The following PARM1 variants were observed in gnomAD, a reference collection of about 807,000 sequenced individuals.
The protein encoded by PARM1 is prostate androgen-regulated mucin-like protein 1.
Under a neutral mutation model 24.6 loss-of-function variants are expected in PARM1, and 14 were observed. That is an observed-to-expected ratio of 0.57 (90% CI 0.38 to 0.89). The LOEUF (loss-of-function observed/expected upper bound fraction) is 0.89, where lower values mean the gene tolerates loss of function less well. Among genes scored for constraint, PARM1 ranks in the 40% least tolerant of loss-of-function variants. The pLI, the probability that PARM1 is intolerant of heterozygous loss-of-function variation, is 0.00. For synonymous variants in PARM1, 179 were observed against 156.6 expected (o/e 1.14, Z -1.07); for missense variants, 362 against 380.4 (o/e 0.95, Z 0.40).
chr4:74,947,707 T>C (rs1476736527), intron 1 of PARM1, among the ~76,000 whole-genome samples: 2 of 152,210 alleles, frequency 1.3e-5, no homozygotes, highest in African/African-American at 4.8e-5. Context: ...AGTGGGAATA[T>C]TATAGGAAAA....
chr4:74,955,234 A>G (rs1721607542), intron 1 of PARM1, among the ~76,000 whole-genome samples: 1 of 142,036 alleles, frequency 7.0e-6, no homozygotes, highest in Non-Finnish European at 1.5e-5. Flanking sequence ...TGAAAAATGA[A>G]AAAAAAAAAA....
chr4:75,004,871 A>T (rs1456290181), intron 1 of PARM1, among the ~76,000 whole-genome samples: 1 of 152,220 alleles, frequency 6.6e-6, no homozygotes. Context: ...AATACTATAG[A>T]ATCATTAAAA....
chr4:75,031,687 C>T (rs1723280378), intron 2 of PARM1, among the ~76,000 whole-genome samples: 1 of 152,100 alleles, frequency 6.6e-6, no homozygotes, highest in African/African-American at 2.4e-5. Context: ...CTGTGATTTC[C>T]TATATTAAAC....
rs915332287 is a variant in PARM1, at chr4:75,012,654, C to T, written c.273C>T (p.Thr91=). The T allele has an allele frequency of 6.8e-6, 11 of 1,613,856 alleles. No homozygotes were observed. In the African/African-American group the frequency reaches 9.3e-5, roughly 14 times the overall value. Residue 91 remains threonine, a synonymous_variant, in exon 2 of 4, where the codon ACC becomes ACT. Transcript: ENST00000307428. ...TAGAGTCCAGAGAAGAGGAGATCACCAGCCCAGGTTCGAATTGGGAAGGCA... is the reference window on the plus strand; with the variant it reads ...TAGAGTCCAGAGAAGAGGAGATCACTAGCCCAGGTTCGAATTGGGAAGGCA... ...ISIESREEEI[T]SPGSNWEGTN... is the part of the protein sequence containing the mutation.
At chr4:75,041,233 A>G (rs961601510) in intron 3 of PARM1, among the ~76,000 whole-genome samples, 2 of 152,236 alleles carry the variant, frequency 1.3e-5, no homozygotes, top group African/African-American at 4.8e-5. Context: ...ATCAGAAAAA[A>G]AGAGGAAACG....
At chr4:74,956,459 G>A (rs188819785) in intron 1 of PARM1, 6 of 152,270 alleles carry the variant, frequency 3.9e-5, no homozygotes, top group African/African-American at 1.4e-4. Flanking sequence ...TTTTCTGAAA[G>A]TTCAGAATCT....
chr4:74,979,234 AAAG>A (rs1296272046), intron 1 of PARM1, among the ~76,000 whole-genome samples: 3 of 152,112 alleles, frequency 2.0e-5, no homozygotes, highest in Non-Finnish European at 4.4e-5. Flanking sequence ...CTAGACTAAT[AAAG>A]AAGAACAAGA....
intron 2 of PARM1, among the ~76,000 whole-genome samples, chr4:75,031,487 C>T (rs371150280): frequency 2.6e-5 from 4 of 151,526 alleles, no homozygotes; most frequent in African/African-American, 9.7e-5. Context: ...AGAGAGCCAC[C>T]CATCATATGG....
At chr4:75,021,721 T>C (rs572093814) in intron 2 of PARM1, among the ~76,000 whole-genome samples, 2 of 152,352 alleles carry the variant, frequency 1.3e-5, no homozygotes, top group East Asian at 3.9e-4. Flanking sequence ...TTTGGTTTTC[T>C]GTTCCTGCAT....
At chr4:74,979,190 C>CT (rs958439157) in intron 1 of PARM1, among the ~76,000 whole-genome samples, 11 of 150,774 alleles carry the variant, frequency 7.3e-5, no homozygotes, top group Admixed American at 1.3e-4. Context: ...AGGAGCTGTT[C>CT]TTTTTTAAAA....
intron 1 of PARM1, among the ~76,000 whole-genome samples, chr4:74,942,779 C>T (rs192359694): frequency 5.6e-4 from 86 of 152,334 alleles, no homozygotes; most frequent in African/African-American, 2.0e-3. Flanking sequence ...CACCCCTCCC[C>T]TCTTAGGTCT....
intron 1 of PARM1, among the ~76,000 whole-genome samples, chr4:74,991,898 C>G (rs375987757): frequency 2.0e-5 from 3 of 152,270 alleles, no homozygotes; most frequent in East Asian, 1.9e-4. Flanking sequence ...ATCCCAGGAA[C>G]TAAGTTGCTA....
chr4:75,009,755 C>T (rs1244419349), intron 1 of PARM1, among the ~76,000 whole-genome samples: 1 of 152,106 alleles, frequency 6.6e-6, no homozygotes, highest in African/African-American at 2.4e-5. Context: ...TCCCGCAAGT[C>T]CTTATTAAGC....
chr4:75,013,054 G>A lies in PARM1; in HGVS notation c.673G>A (p.Val225Met), dbSNP rs1299343349. The change falls in exon 2 of 4, where the codon GTG becomes ATG. Residue 225 changes from valine to methionine, a missense_variant. By Grantham distance (21) the Val-to-Met change is conservative. Transcript: ENST00000307428. ...CCAGGAGAAAACACCCCCAACAACT[G>A]TGTCAGGCAAAGTGATGTGTGAGCT... ...VPQEKTPPTT[V>M]SGKVMCELID... 6.2e-7 allele frequency: 1 copy of A among 1,613,976 alleles called. No individual in the cohort carries two copies. Among genetic ancestry groups the A allele is most frequent in the Admixed American group, 1.7e-5 (1 of 60,010 alleles).
intron 1 of PARM1, among the ~76,000 whole-genome samples, chr4:74,957,705 G>C (rs1015072957): frequency 1.3e-5 from 2 of 152,158 alleles, no homozygotes; most frequent in Non-Finnish European, 2.9e-5. Flanking sequence ...AGAGCTGCAG[G>C]CAGGGAATTG....
chr4:74,940,138 C>T lies in PARM1; in HGVS notation c.43+6768C>T, dbSNP rs867649352. On this transcript the variant is annotated intron_variant, in intron 1 of 3. Coordinates refer to ENST00000307428, the MANE Select transcript of PARM1 (RefSeq NM_015393.4). ...TTAGAACACCTTATATTTCCTAATA[C>T]GAAGTTAACAAAATACATGTTACCT... Among the ~76,000 whole-genome samples the T allele has an allele frequency of 6.6e-5, 10 of 152,048 alleles. 1 individual carries two copies. Among genetic ancestry groups the T allele is most frequent in the South Asian group, 2.1e-4 (1 of 4,828 alleles).
chr4:74,949,937 A>T (rs992620309), intron 1 of PARM1, among the ~76,000 whole-genome samples: 47 of 151,874 alleles, frequency 3.1e-4, no homozygotes, highest in African/African-American at 1.0e-3. Context: ...CACCAAAAAG[A>T]TACTTTTTTT....
intron 1 of PARM1, among the ~76,000 whole-genome samples, chr4:75,008,999 G>T (rs1722821653): frequency 6.6e-6 from 1 of 151,942 alleles, no homozygotes; most frequent in South Asian, 2.1e-4. Context: ...AGCTCCAAAG[G>T]TCATAGATAG....
At chr4:74,968,768 CT>C (rs1721963433) in intron 1 of PARM1, among the ~76,000 whole-genome samples, 1 of 152,168 alleles carries the variant, frequency 6.6e-6, no homozygotes, top group Non-Finnish European at 1.5e-5. Context: ...CTTCTGTTCC[CT>C]TTTACTCAAA....
Sources: allele counts gnomAD v4.1 joint callset (sites outside exome capture counted in the v4.1 genomes callset), GRCh38; gene constraint gnomAD v4.1.1; transcripts MANE v1.5; gene names NCBI Gene and HGNC (gene_info 2026-07-23, HGNC 2026-07-21).